The following B3GALT1 variants were observed in gnomAD, a reference collection of about 807,000 sequenced individuals.
B3GALT1 encodes UDP-Gal:betaGlcNAc beta 1,3-galactosyltransferase, polypeptide 1.
B3GALT1 carries 10 observed loss-of-function variants against 23.2 expected under a neutral mutation model. The observed-to-expected ratio is 0.43, with a 90% confidence interval of 0.27 to 0.73. B3GALT1 has a LOEUF of 0.73. B3GALT1 is among the 30% of genes least tolerant of loss of function. B3GALT1 has a pLI of 0.21. For missense variants in B3GALT1, 299 were observed against 405.4 expected, an observed-to-expected ratio of 0.74 and a Z score of 2.25; for synonymous variants, 156 against 141.5, an observed-to-expected ratio of 1.10 and a Z score of -0.73.
chr2:167,322,970 A>G (rs1278934948), intron 1 of B3GALT1, among the ~76,000 whole-genome samples: 1 of 152,052 alleles, frequency 6.6e-6, no homozygotes, highest in African/African-American at 2.4e-5. Context: ...TCAGCTTAGA[A>G]TTTATCACTT....
chr2:167,756,504 G>A (rs1016012865), intron 3 of B3GALT1, among the ~76,000 whole-genome samples: 3 of 152,154 alleles, frequency 2.0e-5, no homozygotes, highest in African/African-American at 7.2e-5. Context: ...GATATGCTAC[G>A]ATCAATACTG....
At chr2:167,864,428 G>C (rs937030653) in intron 4 of B3GALT1, among the ~76,000 whole-genome samples, 14 of 152,134 alleles carry the variant, frequency 9.2e-5, no homozygotes, top group African/African-American at 3.4e-4. Flanking sequence ...GCCAGGCATG[G>C]TGGCATGTGC....
intron 2 of B3GALT1, among the ~76,000 whole-genome samples, chr2:167,548,685 A>AGT (rs71031297): frequency 0.14 from 19,666 of 144,684 alleles, 1,264 homozygotes; most frequent in African/African-American, 0.16. Flanking sequence ...CGTGTGTGTG[A>AGT]GTGTGTGTGT....
chr2:167,588,850 C>G (rs987986229), intron 2 of B3GALT1, among the ~76,000 whole-genome samples: 1 of 132,870 alleles, frequency 7.5e-6, no homozygotes, highest in African/African-American at 3.0e-5. Context: ...TCCTTCTTTC[C>G]TTCCTTCCTT....
At chr2:167,335,976 GGGGAGTAAAAAT>G (rs1697052661) in intron 1 of B3GALT1, among the ~76,000 whole-genome samples, 1 of 151,948 alleles carries the variant, frequency 6.6e-6, no homozygotes, top group South Asian at 2.1e-4. Context: ...TTTGATTGCT[GGGGAGTAAAAAT>G]GGGAGAATAA....
At chr2:167,603,965 T>C (rs1262252169) in intron 2 of B3GALT1, among the ~76,000 whole-genome samples, 2 of 152,094 alleles carry the variant, frequency 1.3e-5, no homozygotes, top group African/African-American at 4.8e-5. Context: ...TGTGGCTTAA[T>C]TGAGTTATCT....
intron 3 of B3GALT1, among the ~76,000 whole-genome samples, chr2:167,765,187 C>T (rs553213868): frequency 6.6e-6 from 1 of 152,246 alleles, no homozygotes; most frequent in African/African-American, 2.4e-5. Flanking sequence ...TGCCTGAGAC[C>T]GGACTGCCTT....
intron 1 of B3GALT1, among the ~76,000 whole-genome samples, chr2:167,363,864 A>G (rs1697540584): frequency 6.6e-6 from 1 of 152,130 alleles, no homozygotes; most frequent in South Asian, 2.1e-4. Context: ...GTCTGCTATG[A>G]AAACTGGTAA....
At chr2:167,587,977 G>A (rs997017537) in intron 2 of B3GALT1, among the ~76,000 whole-genome samples, 7 of 152,156 alleles carry the variant, frequency 4.6e-5, no homozygotes, top group African/African-American at 9.7e-5. Flanking sequence ...TATCACACAG[G>A]CTCATTTGAT....
chr2:167,550,893 C>T (rs1366165717), intron 2 of B3GALT1, among the ~76,000 whole-genome samples: 1 of 152,146 alleles, frequency 6.6e-6, no homozygotes, highest in Admixed American at 6.5e-5. Context: ...ACCCAAACAC[C>T]GTCTCACTTA....
At chr2:167,753,250 G>A (rs569894388) in intron 3 of B3GALT1, among the ~76,000 whole-genome samples, 7 of 152,222 alleles carry the variant, frequency 4.6e-5, no homozygotes, top group Non-Finnish European at 1.0e-4. Context: ...TCTCACACTT[G>A]TCCAGATTAG....
chr2:167,552,097 T>G (rs1444660256), intron 2 of B3GALT1, among the ~76,000 whole-genome samples: 2 of 152,182 alleles, frequency 1.3e-5, no homozygotes, highest in Non-Finnish European at 2.9e-5. Flanking sequence ...TCAGTTTTGC[T>G]TGCAATGGAA....
At chr2:167,522,873 G>C (rs2052983) in intron 2 of B3GALT1, among the ~76,000 whole-genome samples, 80,909 of 152,074 alleles carry the variant, frequency 0.53, 24,424 homozygotes, top group East Asian at 0.99. Flanking sequence ...TGTGCCTATA[G>C]ATTCCTATAG....
chr2:167,847,475 C>T (rs1010406041), intron 4 of B3GALT1, among the ~76,000 whole-genome samples: 11 of 152,176 alleles, frequency 7.2e-5, no homozygotes, highest in African/African-American at 2.7e-4. Context: ...AAATAACCTG[C>T]TCCTGAATGA....
intron 4 of B3GALT1, among the ~76,000 whole-genome samples, chr2:167,820,410 G>A (rs1288991000): frequency 6.6e-6 from 1 of 152,126 alleles, no homozygotes; most frequent in Admixed American, 6.5e-5. Context: ...GGGGCTATGG[G>A]ATGTGGGATG....
At chr2:167,328,401 A>G (rs1696927590) in intron 1 of B3GALT1, among the ~76,000 whole-genome samples, 2 of 152,044 alleles carry the variant, frequency 1.3e-5, no homozygotes, top group African/African-American at 2.4e-5. Flanking sequence ...CTCACTACTC[A>G]TTTTTTGTCT....
At chr2:167,689,953 G>C (rs934732042) in intron 3 of B3GALT1, among the ~76,000 whole-genome samples, 5 of 152,088 alleles carry the variant, frequency 3.3e-5, no homozygotes, top group African/African-American at 1.2e-4. Flanking sequence ...GCAGAAATGG[G>C]AATAAGGGAA....
At chr2:167,677,707 G>A (rs1304606881) in intron 3 of B3GALT1, among the ~76,000 whole-genome samples, 1 of 151,942 alleles carries the variant, frequency 6.6e-6, no homozygotes, top group Admixed American at 6.6e-5. Flanking sequence ...CCTGGACCCC[G>A]TGTAGTAGTC....
At chr2:167,421,162 A>C (rs1467991095) in intron 1 of B3GALT1, among the ~76,000 whole-genome samples, 1 of 152,212 alleles carries the variant, frequency 6.6e-6, no homozygotes, top group Non-Finnish European at 1.5e-5. Flanking sequence ...ACTAATGACA[A>C]ATGGCTGTTT....
Sources: gnomAD v4.1 joint callset for allele counts (sites outside exome capture counted in the v4.1 genomes callset) on GRCh38, gnomAD v4.1.1 for gene constraint, MANE v1.5 for transcripts, NCBI Gene and HGNC (gene_info 2026-07-23, HGNC 2026-07-21) for gene names.